Variants in SLC4A7 observed in about 807,000 individuals in gnomAD.
The protein encoded by SLC4A7 is sodium bicarbonate cotransporter 3.
In SLC4A7, 51 loss-of-function variants were observed where a neutral mutation model predicts 137.6. The ratio of observed to expected loss-of-function variants is 0.37; its 90% CI spans 0.30 to 0.47. The LOEUF (loss-of-function observed/expected upper bound fraction) is 0.47, where lower values mean the gene tolerates loss of function less well. SLC4A7 is among the 20% of genes least tolerant of loss of function. SLC4A7 has a pLI of 1.00. For missense variants in SLC4A7, 1,247 were observed against 1,525.4 expected (o/e 0.82, Z 3.04); for synonymous variants, 542 against 518.6 (o/e 1.05, Z -0.61).
intron 3 of SLC4A7, among the ~76,000 whole-genome samples, chr3:27,443,485 T>G (rs1034933084): frequency 6.6e-6 from 1 of 152,194 alleles, no homozygotes; most frequent in African/African-American, 2.4e-5. Flanking sequence ...GATTGAGGTC[T>G]GCTATTGTTT....
At chr3:27,409,563 A>T in intron 12 of SLC4A7, 33 bp from the exon 13 acceptor site, 1 of 1,562,162 alleles carries the variant, frequency 6.4e-7, no homozygotes. Flanking sequence ...GTCAAACTGT[A>T]CACTAGAGGA....
At chr3:27,380,039 TG>T (rs2050258731) in intron 24 of SLC4A7, among the ~76,000 whole-genome samples, 1 of 152,234 alleles carries the variant, frequency 6.6e-6, no homozygotes, top group Non-Finnish European at 1.5e-5. Context: ...CCGGGCATGG[TG>T]GCTCACGCCT....
rs1200479198 is a variant in SLC4A7, at chr3:27,483,967, G to A, written c.60+100C>T. Reference sequence around the variant, plus strand: ...GGTGGAGGGGCGACGGGCCTGGGACGAGGTGGCCGAGCCGCGACGCCCGCC... The same window carrying A: ...GGTGGAGGGGCGACGGGCCTGGGACAAGGTGGCCGAGCCGCGACGCCCGCC... On this transcript the variant is annotated intron_variant, in intron 1 of 25. Transcript: ENST00000454389. 4.4e-6 allele frequency: 4 copies of A among 918,598 alleles called. No individual in the cohort carries two copies. The South Asian group carries it at 1.1e-4, about 25-fold the overall frequency. 56.9% of individuals were successfully genotyped at this position (918,598 alleles called of 1,614,324 possible).
At chr3:27,397,835 T>C (rs763457653) in intron 17 of SLC4A7, 38 bp from the exon 18 acceptor site, 2 of 1,110,380 alleles carry the variant, frequency 1.8e-6, no homozygotes, top group Non-Finnish European at 2.7e-6. Flanking sequence ...AACACAGAAA[T>C]ACTATGTGTT....
intron 8 of SLC4A7, chr3:27,423,785 T>A (rs2055249595): frequency 2.6e-6 from 1 of 379,356 alleles, no homozygotes; most frequent in Non-Finnish European, 4.7e-6. Context: ...AATATCGTAT[T>A]ATTCACATAT....
chr3:27,476,008 T>A (rs965352748), intron 1 of SLC4A7, among the ~76,000 whole-genome samples: 118 of 152,274 alleles, frequency 7.7e-4, no homozygotes, highest in African/African-American at 2.3e-3. Flanking sequence ...AAGAATAGAA[T>A]AGCATAATTT....
intron 10 of SLC4A7, among the ~76,000 whole-genome samples, chr3:27,419,011 A>C (rs2054666345): frequency 1.3e-5 from 2 of 152,224 alleles, no homozygotes. Context: ...AACTTTACTT[A>C]AATAATTTAT....
chr3:27,389,856 AATT>A, intron 22 of SLC4A7, 72 bp downstream of exon 22: 1 of 1,117,240 alleles, frequency 9.0e-7, no homozygotes, highest in South Asian at 1.6e-5. Context: ...TCTCAAAATC[AATT>A]ATAAATATTA....
At chr3:27,447,716 C>T (rs953502968) in intron 3 of SLC4A7, among the ~76,000 whole-genome samples, 2 of 142,994 alleles carry the variant, frequency 1.4e-5, no homozygotes, top group Non-Finnish European at 3.0e-5. Context: ...TATCTATGCT[C>T]GTCATCAGAT....
intron 13 of SLC4A7, 59 bp downstream of exon 13, chr3:27,409,297 A>T (rs2053682165): frequency 3.1e-6 from 4 of 1,310,568 alleles, no homozygotes; most frequent in Non-Finnish European, 4.2e-6. Flanking sequence ...AGACAAATGC[A>T]TACAGACACT....
Position 27,484,121 on chromosome 3 carries a change from C to G in SLC4A7, c.6G>C (p.Glu2Asp). 1 of 1,384,174 alleles carries G rather than the reference C, an allele frequency of 7.2e-7. No homozygotes were observed. The highest frequency in any genetic ancestry group is 9.4e-7 in the Non-Finnish European group (1 of 1,064,040). The allele number at this position is 1,384,174 out of a possible 1,614,324, so 85.7% of individuals were successfully genotyped here. MEADGAGEQMRP... is the reference protein window; with the variant it reads MDADGAGEQMRP... ...TCATCTGCTCGCCGGCCCCATCAGC[C>G]TCCATGGCCGGCCGGCCAGCCCGTG... The change falls in exon 1 of 26, where the codon GAG (glutamate) becomes GAC (aspartate). Residue 2 changes from glutamate to aspartate, a missense_variant. Physicochemically the swap from Glu to Asp is conservative, Grantham distance 45. Transcript: ENST00000454389.
intron 14 of SLC4A7, 32 bp downstream of exon 14, chr3:27,404,798 A>G (rs1295206490): frequency 6.7e-7 from 1 of 1,503,130 alleles, no homozygotes. Flanking sequence ...CATATATAAC[A>G]CATGTGATAA....
chr3:27,404,758 A>G, intron 14 of SLC4A7, 72 bp downstream of exon 14: 1 of 1,278,006 alleles, frequency 7.8e-7, no homozygotes, highest in Admixed American at 2.5e-5. Flanking sequence ...AAGCAATTAA[A>G]TAATTCCCTT....
intron 13 of SLC4A7, among the ~76,000 whole-genome samples, chr3:27,407,161 T>C (rs746389423): frequency 2.3e-4 from 34 of 149,770 alleles, no homozygotes; most frequent in Non-Finnish European, 4.6e-4. Flanking sequence ...TTCACTGCCA[T>C]ACTGTTACCT....
chr3:27,451,228 C>T (rs1331832313), intron 2 of SLC4A7, among the ~76,000 whole-genome samples: 4 of 151,946 alleles, frequency 2.6e-5, no homozygotes, highest in Non-Finnish European at 1.5e-5. Flanking sequence ...GTTTCTCTGT[C>T]CATCTCTTTT....
At chr3:27,440,555 C>T (rs2150437155) in intron 3 of SLC4A7, among the ~76,000 whole-genome samples, 1 of 151,874 alleles carries the variant, frequency 6.6e-6, no homozygotes, top group African/African-American at 2.4e-5. Flanking sequence ...TGGTGAAACC[C>T]CGTCTCTATG....
At chr3:27,453,483 C>A (rs540685376) in intron 1 of SLC4A7, among the ~76,000 whole-genome samples, 3 of 152,046 alleles carry the variant, frequency 2.0e-5, no homozygotes, top group Admixed American at 6.6e-5. Context: ...TGTGGTGGCA[C>A]GCGCCTGTAA....
At chr3:27,390,850 G>A (rs1263764497) in intron 21 of SLC4A7, among the ~76,000 whole-genome samples, 1 of 152,000 alleles carries the variant, frequency 6.6e-6, no homozygotes, top group Non-Finnish European at 1.5e-5. Flanking sequence ...TTGAGACAGG[G>A]TCTCACTCTG....
intron 7 of SLC4A7, among the ~76,000 whole-genome samples, chr3:27,424,781 T>TTATAACCAAAGGGATCTG (rs2055378485): frequency 6.6e-6 from 1 of 152,214 alleles, no homozygotes; most frequent in African/African-American, 2.4e-5. Flanking sequence ...AGTAAGAGTT[T>TTATAACCAAAGGGATCTG]TATAACCAAA....
Sources: allele counts gnomAD v4.1 joint callset (sites outside exome capture counted in the v4.1 genomes callset), GRCh38; gene constraint gnomAD v4.1.1; transcripts MANE v1.5; gene names NCBI Gene and HGNC (gene_info 2026-07-23, HGNC 2026-07-21).